Variants in PHLPP1 observed in about 807,000 individuals in gnomAD.
PHLPP1 encodes PH domain and leucine rich repeat protein phosphatase 1, also known as PH domain leucine-rich repeat-containing protein phosphatase 1.
PHLPP1 carries 42 observed loss-of-function variants against 117.2 expected under a neutral mutation model. The observed-to-expected ratio is 0.36, with a 90% confidence interval of 0.28 to 0.46. The LOEUF (loss-of-function observed/expected upper bound fraction) is 0.46. PHLPP1 is among the 20% of genes least tolerant of loss of function. The pLI is 1.00. For missense variants in PHLPP1, 2,084 were observed against 2,241.9 expected, an observed-to-expected ratio of 0.93 and a Z score of 1.42; for synonymous variants, 1,042 against 970.7, an observed-to-expected ratio of 1.07 and a Z score of -1.37.
At chr18:62,769,914 A>G (rs1232308622) in intron 1 of PHLPP1, among the ~76,000 whole-genome samples, 1 of 152,168 alleles carries the variant, frequency 6.6e-6, no homozygotes, top group East Asian at 1.9e-4. Context: ...TACATCATCA[A>G]ATGCCATGCT....
chr18:62,931,237 C>T (rs1909798221), intron 10 of PHLPP1, among the ~76,000 whole-genome samples: 1 of 150,964 alleles, frequency 6.6e-6, no homozygotes, highest in South Asian at 2.1e-4. Flanking sequence ...TACATGGAAA[C>T]TAAACAGTTT....
At chr18:62,876,682 T>C (rs1273773461) in intron 4 of PHLPP1, among the ~76,000 whole-genome samples, 1 of 152,236 alleles carries the variant, frequency 6.6e-6, no homozygotes, top group Non-Finnish European at 1.5e-5. Context: ...TCAAGGTGAC[T>C]ATTTTAAGGG....
intron 1 of PHLPP1, among the ~76,000 whole-genome samples, chr18:62,727,929 G>A (rs948707181): frequency 3.9e-5 from 6 of 152,170 alleles, no homozygotes; most frequent in African/African-American, 1.4e-4. Flanking sequence ...TGGATGGGAA[G>A]GGGAGGGGGG....
At chr18:62,766,073 AAAAATATAT>A (rs1157051069) in intron 1 of PHLPP1, among the ~76,000 whole-genome samples, 1 of 55,388 alleles carries the variant, frequency 1.8e-5, no homozygotes, top group Non-Finnish European at 3.8e-5. Context: ...AAAAAAAAAA[AAAAATATAT>A]ATATATATAT....
chr18:62,828,558 A>G (rs1914671138), intron 1 of PHLPP1, among the ~76,000 whole-genome samples: 2 of 152,222 alleles, frequency 1.3e-5, no homozygotes, highest in African/African-American at 2.4e-5. Context: ...ACATTTTGAT[A>G]TGGGAGAAAG....
intron 4 of PHLPP1, among the ~76,000 whole-genome samples, chr18:62,869,871 T>G (rs1915856117): frequency 6.6e-6 from 1 of 152,194 alleles, no homozygotes; most frequent in Admixed American, 6.5e-5. Context: ...TGTAAAAAAC[T>G]AGGCTTTATA....
At chr18:62,769,162 TGAA>T (rs1396790649) in intron 1 of PHLPP1, among the ~76,000 whole-genome samples, 2 of 152,212 alleles carry the variant, frequency 1.3e-5, no homozygotes, top group African/African-American at 4.8e-5. Context: ...ATTATTTAAC[TGAA>T]AGAAACAAAG....
intron 15 of PHLPP1, among the ~76,000 whole-genome samples, chr18:62,973,607 C>G (rs183164280): frequency 2.6e-5 from 4 of 152,028 alleles, no homozygotes; most frequent in Admixed American, 6.6e-5. Flanking sequence ...TTCAGAGCAG[C>G]CTTTACAGTG....
chr18:62,801,840 T>C (rs1599054817), intron 1 of PHLPP1, among the ~76,000 whole-genome samples: 1 of 152,242 alleles, frequency 6.6e-6, no homozygotes, highest in African/African-American at 2.4e-5. Context: ...TAACACATTT[T>C]CTTACCTATG....
intron 14 of PHLPP1, among the ~76,000 whole-genome samples, chr18:62,969,791 C>G (rs570838761): frequency 6.6e-6 from 1 of 152,120 alleles, no homozygotes; most frequent in African/African-American, 2.4e-5. Flanking sequence ...TTTTAACTTT[C>G]TTTTGATTAA....
chr18:62,718,687 ATTCTT>A (rs1568092606), intron 1 of PHLPP1, among the ~76,000 whole-genome samples: 1 of 152,200 alleles, frequency 6.6e-6, no homozygotes, highest in African/African-American at 2.4e-5. Flanking sequence ...CAACAACTGT[ATTCTT>A]TTCTCCTTTA....
intron 10 of PHLPP1, among the ~76,000 whole-genome samples, chr18:62,931,614 G>A (rs1489033319): frequency 2.0e-5 from 3 of 151,600 alleles, no homozygotes; most frequent in African/African-American, 4.8e-5. Context: ...AAAAAAAAGG[G>A]CCGGGCACGG....
intron 2 of PHLPP1, among the ~76,000 whole-genome samples, chr18:62,832,607 C>T (rs1455259644): frequency 2.6e-5 from 4 of 152,124 alleles, no homozygotes; most frequent in Non-Finnish European, 4.4e-5. Flanking sequence ...ACAAGCAAAA[C>T]TTGTAAAACC....
chr18:62,733,836 G>A (rs1479096764), intron 1 of PHLPP1, among the ~76,000 whole-genome samples: 3 of 152,120 alleles, frequency 2.0e-5, no homozygotes, highest in African/African-American at 7.2e-5. Context: ...ATTGTTTTAG[G>A]AGCAACTCTA....
At chr18:62,811,992 G>C (rs1012262416) in intron 1 of PHLPP1, among the ~76,000 whole-genome samples, 5 of 152,102 alleles carry the variant, frequency 3.3e-5, no homozygotes, top group African/African-American at 7.2e-5. Context: ...GTTTATAAAA[G>C]ACTAATTTAA....
intron 4 of PHLPP1, among the ~76,000 whole-genome samples, chr18:62,881,225 C>T (rs1916167832): frequency 6.6e-6 from 1 of 151,984 alleles, no homozygotes; most frequent in Non-Finnish European, 1.5e-5. Context: ...GCCTGGGTGA[C>T]AGTGATACCT....
chr18:62,809,912 T>TA (rs1476109213), intron 1 of PHLPP1, among the ~76,000 whole-genome samples: 1 of 152,250 alleles, frequency 6.6e-6, no homozygotes, highest in African/African-American at 2.4e-5. Flanking sequence ...TTGGTTTATT[T>TA]AATTGGTGGA....
At chr18:62,809,138 C>T (rs937545427) in intron 1 of PHLPP1, among the ~76,000 whole-genome samples, 1 of 152,002 alleles carries the variant, frequency 6.6e-6, no homozygotes, top group African/African-American at 2.4e-5. Flanking sequence ...TAGAAGCCAC[C>T]GCCGTTCCAT....
At chr18:62,792,937 G>T (rs182195149) in intron 1 of PHLPP1, among the ~76,000 whole-genome samples, 14 of 151,858 alleles carry the variant, frequency 9.2e-5, no homozygotes, top group Admixed American at 5.9e-4. Context: ...CACTTTGGGA[G>T]GCTGAGGTGG....
Sources: gnomAD v4.1 joint callset for allele counts (sites outside exome capture counted in the v4.1 genomes callset) on GRCh38, gnomAD v4.1.1 for gene constraint, MANE v1.5 for transcripts, NCBI Gene and HGNC (gene_info 2026-07-23, HGNC 2026-07-21) for gene names.